WSB2: variants seen among roughly 807,000 people sequenced by gnomAD.
WSB2 encodes the protein WD repeat and SOCS box containing 2.
In WSB2, 12 loss-of-function variants were observed where a neutral mutation model predicts 48.8. That is an observed-to-expected ratio of 0.25 (90% CI 0.16 to 0.40). The LOEUF (loss-of-function observed/expected upper bound fraction) is 0.40. WSB2 is among the 10% of genes least tolerant of loss of function. The pLI is 1.00. For synonymous variants in WSB2, 191 were observed against 203.1 expected (o/e 0.94, Z 0.51); for missense variants, 317 against 506.2 (o/e 0.63, Z 3.59).
intron 1 of WSB2, 174 bp from the exon 2 acceptor site, chr12:118,052,652 G>T (rs553551534): frequency 3.2e-6 from 3 of 925,416 alleles, no homozygotes; most frequent in Admixed American, 2.8e-5. Context: ...TTCCACCACG[G>T]TTACTCAATC....
At position 118,035,017 on chromosome 12, in the gene WSB2, A is replaced by T; in HGVS notation, c.1021T>A (p.Phe341Ile). Reference protein sequence around the residue: ...APMTNGLCCTFFPHGGVIATG... With the variant: ...APMTNGLCCTIFPHGGVIATG... Reference sequence around the variant, plus strand: ...GCAATGACTCCACCATGTGGAAAAAATGTGCAGCAAAGCCCATTGGTCATA... The same window carrying T: ...GCAATGACTCCACCATGTGGAAAAATTGTGCAGCAAAGCCCATTGGTCATA... The change falls in exon 8 of 9, where the codon TTT (phenylalanine) becomes ATT (isoleucine). Residue 341 changes from phenylalanine to isoleucine, a missense_variant. This residue lies in a region of WSB2 where 189 missense variants were observed against 349.6 expected (regional missense o/e 0.54). Coordinates refer to ENST00000315436, the MANE Select transcript of WSB2 (RefSeq NM_018639.5). 6.2e-7 allele frequency: 1 copy of T among 1,614,048 alleles called. No homozygotes were observed. The highest frequency in any genetic ancestry group is 1.3e-5 in the African/African-American group (1 of 74,920).
At chr12:118,044,697 C>T (rs1470828465) in intron 2 of WSB2, among the ~76,000 whole-genome samples, 1 of 152,084 alleles carries the variant, frequency 6.6e-6, no homozygotes, top group African/African-American at 2.4e-5. Context: ...AACATGAGGC[C>T]CTGGCCACCA....
chr12:118,048,998 C>T lies in WSB2; in HGVS notation c.182+3312G>A, dbSNP rs150016816. Among the ~76,000 whole-genome samples, 387 of 152,312 alleles carry T rather than the reference C, an allele frequency of 2.5e-3. 2 individuals carry two copies. The highest frequency in any genetic ancestry group is 9.2e-3 in the African/African-American group (381 of 41,574). On this transcript the variant is annotated intron_variant, in intron 2 of 8. Coordinates refer to ENST00000315436, the MANE Select transcript of WSB2 (RefSeq NM_018639.5). ...TCTAGGTCATGTGACAGAAAAAAGA[C>T]ATATTTATCTATACAAATTTGAAAA...
intron 2 of WSB2, among the ~76,000 whole-genome samples, chr12:118,048,403 C>G (rs545435951): frequency 2.0e-5 from 3 of 151,996 alleles, no homozygotes; most frequent in Admixed American, 1.3e-4. Context: ...GCCTGGGCAA[C>G]ATGGTGAAAA....
chr12:118,035,385 A>T, intron 6 of WSB2, 61 bp from the exon 7 acceptor site: 3 of 1,500,458 alleles, frequency 2.0e-6, no homozygotes, highest in Admixed American at 1.7e-5. Context: ...ACCCTCCATC[A>T]TCACCCTAGG....
chr12:118,059,378 TG>T (rs1221990030), intron 1 of WSB2, among the ~76,000 whole-genome samples: 1 of 152,216 alleles, frequency 6.6e-6, no homozygotes, highest in Non-Finnish European at 1.5e-5. Context: ...AGACTTCTGT[TG>T]GTCGGGGCTG....
chr12:118,035,390 C>G, intron 6 of WSB2, 66 bp from the exon 7 acceptor site: 1 of 1,477,756 alleles, frequency 6.8e-7, no homozygotes. Flanking sequence ...CCATCATCAC[C>G]CTAGGCAGGA....
rs763450621 is a variant in WSB2, at chr12:118,042,947, G to C, written c.453C>G (p.Gly151=). 2.8e-5 allele frequency: 45 copies of C among 1,614,188 alleles called. No individual in the cohort carries two copies. In the Middle Eastern group the frequency reaches 4.9e-4, roughly 18 times the overall value. The change falls in exon 4 of 9, where the codon GGC becomes GGG. Residue 151 remains glycine, a synonymous_variant. Coordinates refer to ENST00000315436, the MANE Select transcript of WSB2 (RefSeq NM_018639.5). ...QTGLLLLNLS[G]HQDVVRDLSF... ...TCAGATCTCTCACGACATCTTGGTG[G>C]CCGGAAAGATTCAAAAGCAGGAGCC...
intron 4 of WSB2, among the ~76,000 whole-genome samples, chr12:118,039,601 G>A (rs2031585115): frequency 6.6e-6 from 1 of 152,226 alleles, no homozygotes; most frequent in Admixed American, 6.5e-5. Context: ...ACAGCAGGGA[G>A]GGCAAGAGAG....
chr12:118,042,002 C>T (rs931236041), intron 4 of WSB2, among the ~76,000 whole-genome samples: 1 of 152,006 alleles, frequency 6.6e-6, no homozygotes, highest in Admixed American at 6.6e-5. Context: ...GTGATCCACC[C>T]GCCTCAGCCT....
intron 4 of WSB2, among the ~76,000 whole-genome samples, chr12:118,039,474 A>C (rs1322297345): frequency 2.6e-5 from 4 of 152,190 alleles, no homozygotes; most frequent in African/African-American, 9.6e-5. Flanking sequence ...ACAATGACCC[A>C]AAAGCCATGA....
At position 118,042,988 on chromosome 12, in the gene WSB2, G is replaced by T. The variant is rs771809505; in HGVS notation, c.428-16C>A. 3 of 1,614,052 alleles carry T rather than the reference G, an allele frequency of 1.9e-6. No individual in the cohort carries two copies. Among genetic ancestry groups the T allele is most frequent in the Non-Finnish European group, 2.5e-6 (3 of 1,179,966 alleles). On this transcript the variant is annotated splice_polypyrimidine_tract_variant and intron_variant, in intron 3 of 8. Coordinates refer to ENST00000315436, the MANE Select transcript of WSB2 (RefSeq NM_018639.5). ...AGCAGGAGCCCTGGCATGGGAGCAG[G>T]GGCACTGAGTCAGCCAGAGAGGGGG...
intron 6 of WSB2, 117 bp downstream of exon 6, chr12:118,036,221 T>A (rs936132743): frequency 2.3e-6 from 3 of 1,285,124 alleles, no homozygotes; most frequent in Non-Finnish European, 3.2e-6. Flanking sequence ...CCACTGTGCC[T>A]TTTTATCCAG....
chr12:118,036,714 G>T (rs907468355), intron 5 of WSB2, among the ~76,000 whole-genome samples: 1 of 152,152 alleles, frequency 6.6e-6, no homozygotes. Flanking sequence ...AAAACAATGG[G>T]CATGCTCAAG....
chr12:118,061,321 G>T, upstream of WSB2: 1 of 459,398 alleles, frequency 2.2e-6, no homozygotes, highest in Non-Finnish European at 2.8e-6. Context: ...ACGCTGACGG[G>T]ATAAAAGCTG....
intron 2 of WSB2, among the ~76,000 whole-genome samples, chr12:118,046,466 CA>C (rs57540760): frequency 0.19 from 21,844 of 113,000 alleles, 2,146 homozygotes; most frequent in East Asian, 0.48. Flanking sequence ...GACTCCATCT[CA>C]AAAAAAAAAA....
At chr12:118,052,670 T>A (rs765249908) in intron 1 of WSB2, 192 bp from the exon 2 acceptor site, 95 of 764,320 alleles carry the variant, frequency 1.2e-4, no homozygotes, top group Non-Finnish European at 1.9e-4. Context: ...ATCCTGGCAC[T>A]CCTCACTGCT....
At chr12:118,040,764 T>C (rs1024671546) in intron 4 of WSB2, among the ~76,000 whole-genome samples, 1 of 148,406 alleles carries the variant, frequency 6.7e-6, no homozygotes, top group African/African-American at 2.5e-5. Flanking sequence ...CCACCTAGAG[T>C]AGGCCAGGCG....
intron 5 of WSB2, among the ~76,000 whole-genome samples, chr12:118,036,906 G>A (rs1403866614): frequency 6.6e-6 from 1 of 152,196 alleles, no homozygotes; most frequent in Non-Finnish European, 1.5e-5. Context: ...CAGCGGCCAG[G>A]CACGATGGCT....
Sources: allele counts gnomAD v4.1 joint callset (sites outside exome capture counted in the v4.1 genomes callset), GRCh38; gene constraint gnomAD v4.1.1; regional missense constraint gnomAD v4.1.1; transcripts MANE v1.5; gene names NCBI Gene and HGNC (gene_info 2026-07-23, HGNC 2026-07-21).